Variants in EGFR observed in about 807,000 individuals in gnomAD.
EGFR encodes the protein avian erythroblastic leukemia viral (v-erb-b) oncogene homolog.
In EGFR, 58 loss-of-function variants were observed where a neutral mutation model predicts 143.0. The observed-to-expected ratio is 0.41, with a 90% CI of 0.33 to 0.50. The LOEUF (loss-of-function observed/expected upper bound fraction) is 0.50. Among genes scored for constraint, EGFR ranks in the 20% least tolerant of loss-of-function variants. The pLI is 0.39. For synonymous variants in EGFR, 613 were observed against 594.4 expected (o/e 1.03, Z -0.45); for missense variants, 1,307 against 1,579.0 (o/e 0.83, Z 2.92).
At chr7:55,176,326 C>A (rs1786587801) in intron 19 of EGFR, among the ~76,000 whole-genome samples, 1 of 152,142 alleles carries the variant, frequency 6.6e-6, no homozygotes, top group Non-Finnish European at 1.5e-5. Context: ...AAAAGTGCCC[C>A]CAGGACCTTT....
rs1787171427 is a variant in EGFR, at chr7:55,187,078, ACT to A, written c.2470-4638_2470-4637del. Among the ~76,000 whole-genome samples, 4 of 152,222 alleles carry A rather than the reference ACT, an allele frequency of 2.6e-5. No homozygotes were observed. The South Asian group carries it at 8.3e-4, about 32-fold the overall frequency. ...GAAGGCACTTGAGGGTGGGGAAGTG[ACT>A]CTGACTGGGAGATGCTGAGGACAGG... On this transcript the variant is annotated intron_variant, in intron 20 of 27. Coordinates refer to ENST00000275493, the MANE Select transcript of EGFR (RefSeq NM_005228.5).
rs371464959 is a variant in EGFR, at chr7:55,155,956, C to A, written c.1006+10C>A. On this transcript the variant is annotated intron_variant, in intron 8 of 27. Transcript: ENST00000275493. ...GGGCCTTGCCGCAAAGGTAGGAAGC[C>A]CGCCGGTGTGCGGACGAGGCTTGTT... 2 of 1,606,198 alleles carry A rather than the reference C, an allele frequency of 1.2e-6. No homozygotes were observed. Among genetic ancestry groups the A allele is most frequent in the Non-Finnish European group, 1.7e-6 (2 of 1,174,172 alleles).
chr7:55,125,669 C>G (rs920830271), intron 1 of EGFR, among the ~76,000 whole-genome samples: 1 of 151,686 alleles, frequency 6.6e-6, no homozygotes, highest in African/African-American at 2.4e-5. Context: ...TCCAGCGTAC[C>G]AGCTTTCCCC....
intron 27 of EGFR, among the ~76,000 whole-genome samples, chr7:55,203,398 CCA>C (rs1250132518): frequency 2.1e-5 from 3 of 144,080 alleles, no homozygotes; most frequent in East Asian, 2.3e-4. Context: ...TACAGACACA[CCA>C]CACACACGTA....
At chr7:55,175,471 C>T (rs1399549246) in intron 19 of EGFR, among the ~76,000 whole-genome samples, 1 of 152,232 alleles carries the variant, frequency 6.6e-6, no homozygotes, top group Non-Finnish European at 1.5e-5. Context: ...TCTCCACCTT[C>T]TCTGGGCCTT....
chr7:55,159,679 G>A (rs1330314626), intron 11 of EGFR, among the ~76,000 whole-genome samples: 3 of 152,210 alleles, frequency 2.0e-5, no homozygotes, highest in African/African-American at 7.2e-5. Flanking sequence ...GTCCTGGAGA[G>A]GAGGAAACAT....
rs17336639 is a variant in EGFR at position 55,154,060 on chromosome 7, C to T, written c.797C>T (p.Pro266Leu). The change falls in exon 7 of 28, where the codon CCA becomes CTA. Residue 266 changes from proline to leucine, a missense_variant. Coordinates refer to ENST00000275493, the MANE Select transcript of EGFR (RefSeq NM_005228.5). ...GCCACGTGCAAGGACACCTGCCCCC[C>T]ACTCATGCTCTACAACCCCACCACG... ...DEATCKDTCP[P>L]LMLYNPTTYQ... The T allele has an allele frequency of 6.2e-7, 1 of 1,614,234 alleles. No individual in the cohort carries two copies. The highest frequency in any genetic ancestry group is 8.5e-7 in the Non-Finnish European group (1 of 1,180,058).
intron 20 of EGFR, among the ~76,000 whole-genome samples, chr7:55,184,849 A>T (rs1861003): frequency 6.6e-6 from 1 of 152,036 alleles, no homozygotes; most frequent in Non-Finnish European, 1.5e-5. Context: ...AAATTGTGAC[A>T]ATAGAAATTT....
chr7:55,174,616 C>T (rs2128954348), intron 18 of EGFR, 106 bp from the exon 19 acceptor site: 2 of 998,544 alleles, frequency 2.0e-6, no homozygotes, highest in South Asian at 1.3e-5. Flanking sequence ...CCCAGTGTCC[C>T]TCACCTTCGG....
rs535953670 is a variant in EGFR, at chr7:55,211,051, C to G, written c.*5434C>G. 1 of 152,286 alleles carries G rather than the reference C, an allele frequency of 6.6e-6. No individual in the cohort carries two copies. The highest frequency in any genetic ancestry group is 2.4e-5 in the African/African-American group (1 of 41,558). 9.4% of individuals were successfully genotyped at this position (152,286 alleles called of 1,614,324 possible). On this transcript the variant is annotated 3_prime_UTR_variant, in exon 28 of 28. Transcript: ENST00000275493. ...TATACCTGGGATAAAAACTATGTAG[C>G]AGGCAGTGTGTTTTCCTTCCATGTC...
intron 1 of EGFR, among the ~76,000 whole-genome samples, chr7:55,049,622 C>G (rs1400344049): frequency 6.6e-6 from 1 of 152,176 alleles, no homozygotes. Flanking sequence ...CTCCCCTCCC[C>G]TCTCCAGCTC....
chr7:55,135,777 T>A (rs1463477420), intron 1 of EGFR, among the ~76,000 whole-genome samples: 1 of 152,188 alleles, frequency 6.6e-6, no homozygotes, highest in Non-Finnish European at 1.5e-5. Flanking sequence ...ATTTATAAAA[T>A]TTTTTTATGT....
At chr7:55,189,732 T>C (rs1165818128) in intron 20 of EGFR, among the ~76,000 whole-genome samples, 1 of 152,028 alleles carries the variant, frequency 6.6e-6, no homozygotes, top group Non-Finnish European at 1.5e-5. Context: ...CTTCAACAAA[T>C]GTGAAGAACG....
At position 55,019,234 on chromosome 7, in the gene EGFR, A is replaced by C; in HGVS notation, c.-44A>C. The C allele has an allele frequency of 1.4e-6, 2 of 1,417,542 alleles. No individual in the cohort carries two copies. The highest frequency in any genetic ancestry group is 1.9e-6 in the Non-Finnish European group (2 of 1,061,544). 87.8% of individuals were successfully genotyped at this position (1,417,542 alleles called of 1,614,324 possible). Reference sequence around the variant, plus strand: ...CGCGCACGGCCCCCTGACTCCGTCCAGTATTGATCGGGAGAGCCGGAGCGA... The same window carrying C: ...CGCGCACGGCCCCCTGACTCCGTCCCGTATTGATCGGGAGAGCCGGAGCGA... On this transcript the variant is annotated 5_prime_UTR_variant, in exon 1 of 28. Transcript: ENST00000275493.
Position 55,201,372 on chromosome 7 carries a change from T to G in EGFR, c.3114+17T>G. On this transcript the variant is annotated intron_variant, in intron 25 of 27. Coordinates refer to ENST00000275493, the MANE Select transcript of EGFR (RefSeq NM_005228.5). The stretch of plus-strand genomic sequence containing the variant: ...AGCTCTCTGGTATGAAATCTCTGTC[T>G]CTCTCTCTCTCTCAAGCTGTGTCTA... 6.2e-7 allele frequency: 1 copy of G among 1,611,970 alleles called. No individual in the cohort carries two copies. The highest frequency in any genetic ancestry group is 8.5e-7 in the Non-Finnish European group (1 of 1,178,608).
At chr7:55,196,701 G>A (rs181328903) in intron 22 of EGFR, among the ~76,000 whole-genome samples, 1 of 151,726 alleles carries the variant, frequency 6.6e-6, no homozygotes, top group Non-Finnish European at 1.5e-5. Context: ...TTTGTGTATG[G>A]TGTAAGGAAG....
At chr7:55,199,501 AG>A (rs1377380184) in intron 23 of EGFR, among the ~76,000 whole-genome samples, 1 of 152,254 alleles carries the variant, frequency 6.6e-6, no homozygotes, top group Non-Finnish European at 1.5e-5. Flanking sequence ...TCTGAACTCT[AG>A]GCCACAGAGT....
intron 15 of EGFR, 186 bp from the exon 16 acceptor site, chr7:55,170,989 G>A: frequency 5.5e-6 from 8 of 1,458,752 alleles, no homozygotes; most frequent in Non-Finnish European, 7.2e-6. Flanking sequence ...TTTGCTGAGT[G>A]AATGAACAAA....
intron 1 of EGFR, among the ~76,000 whole-genome samples, chr7:55,101,145 C>T (rs1203532505): frequency 4.6e-5 from 7 of 152,178 alleles, no homozygotes; most frequent in South Asian, 2.1e-4. Context: ...ACAAGGGGCC[C>T]GGGCAGAAGG....
Sources: allele counts gnomAD v4.1 joint callset (sites outside exome capture counted in the v4.1 genomes callset), GRCh38; gene constraint gnomAD v4.1.1; transcripts MANE v1.5; gene names NCBI Gene and HGNC (gene_info 2026-07-23, HGNC 2026-07-21).